The following RHOBTB2 variants were observed in gnomAD, a reference collection of about 807,000 sequenced individuals.
RHOBTB2 encodes Rho related BTB domain containing 2.
In RHOBTB2, 39 loss-of-function variants were observed where a neutral mutation model predicts 66.5. That is an observed-to-expected ratio of 0.59 (90% CI 0.45 to 0.77). The LOEUF (loss-of-function observed/expected upper bound fraction) is 0.77. Ranked by LOEUF, RHOBTB2 falls within the 30% of genes least tolerant of loss-of-function variation. RHOBTB2 has a pLI of 0.00. For synonymous variants in RHOBTB2, 390 were observed against 395.0 expected (o/e 0.99, Z 0.15); for missense variants, 755 against 999.1 (o/e 0.76, Z 3.29).
At chr8:23,012,671 T>C (rs1811181605) in intron 7 of RHOBTB2, among the ~76,000 whole-genome samples, 1 of 152,174 alleles carries the variant, frequency 6.6e-6, no homozygotes, top group South Asian at 2.1e-4. Context: ...CAGACTGGAG[T>C]GCAATGGCCT....
At chr8:22,970,968 A>G in the RHOBTB2 span, among the ~76,000 whole-genome samples, 3 of 152,110 alleles carry the variant, frequency 2.0e-5, no homozygotes, top group Admixed American at 1.3e-4. Context: ...CTGCACCCTC[A>G]ATAAACCTCT....
chr8:23,014,691 G>A lies in RHOBTB2; in HGVS notation c.1773G>A (p.Glu591=), dbSNP rs1293603131. Residue 591 remains glutamate, a splice_region_variant and synonymous_variant, in exon 8 of 10, where the codon GAG becomes GAA. Coordinates refer to ENST00000251822, the MANE Select transcript of RHOBTB2 (RefSeq NM_015178.3). ...LCLPHLVALT[E]QYTVTGLMEA... ...GATTGGTGGCCGTGTGTGTTACAGA[G>A]CAGTACACAGTGACCGGGCTGATGG... The A allele has an allele frequency of 1.9e-6, 3 of 1,613,842 alleles. No homozygotes were observed. Among genetic ancestry groups the A allele is most frequent in the Admixed American group, 3.3e-5 (2 of 60,018 alleles).
At chr8:23,013,133 C>T (rs1811194390) in intron 7 of RHOBTB2, among the ~76,000 whole-genome samples, 2 of 152,138 alleles carry the variant, frequency 1.3e-5, no homozygotes, top group South Asian at 2.1e-4. Context: ...TGAGGTCTCA[C>T]TGTGTTGCCT....
chr8:23,006,725 C>A lies in RHOBTB2; in HGVS notation c.483-3C>A, dbSNP rs746394585. Reference sequence around the variant, plus strand: ...AGCTTGGTTTCCTTCTTGAACCTACCAGGCCCATCAAACCTAATGAAATCC... The same window carrying A: ...AGCTTGGTTTCCTTCTTGAACCTACAAGGCCCATCAAACCTAATGAAATCC... On this transcript the variant is annotated splice_polypyrimidine_tract_variant and splice_region_variant and intron_variant, in intron 4 of 9. Transcript: ENST00000251822. The surrounding 1 kb of genome is among the most constrained non-coding windows in gnomAD (Gnocchi z 6.1). The A allele has an allele frequency of 1.2e-6, 2 of 1,606,868 alleles. No homozygotes were observed. Among genetic ancestry groups the A allele is most frequent in the East Asian group, 2.2e-5 (1 of 44,770 alleles).
intron 9 of RHOBTB2, among the ~76,000 whole-genome samples, chr8:23,016,161 C>T (rs553378261): frequency 9.2e-5 from 14 of 152,286 alleles, no homozygotes; most frequent in Non-Finnish European, 1.6e-4. Context: ...CAGGTCTGGG[C>T]ATCCTCTGAG....
chr8:23,008,325 G>A (rs1023340766), intron 6 of RHOBTB2, among the ~76,000 whole-genome samples: 1 of 152,152 alleles, frequency 6.6e-6, no homozygotes, highest in South Asian at 2.1e-4. Context: ...TGAGAGTTTA[G>A]AAAGCACTTT....
chr8:22,985,798 G>A (rs944768649), upstream of RHOBTB2, among the ~76,000 whole-genome samples: 3 of 152,166 alleles, frequency 2.0e-5, no homozygotes, highest in Admixed American at 6.5e-5. Context: ...CTGGCCAGCC[G>A]TTCCTCTGCC....
At chr8:22,976,945 A>G in the RHOBTB2 span, among the ~76,000 whole-genome samples, 1 of 152,010 alleles carries the variant, frequency 6.6e-6, no homozygotes, top group Non-Finnish European at 1.5e-5. Flanking sequence ...TTTTTAATGA[A>G]AATATACATA....
upstream of RHOBTB2, among the ~76,000 whole-genome samples, chr8:22,983,480 C>T (rs922941874): frequency 6.7e-6 from 1 of 149,494 alleles, no homozygotes; most frequent in Non-Finnish European, 1.5e-5. Flanking sequence ...GTGAGACCCA[C>T]CTCTCAAGAA....
the RHOBTB2 span, among the ~76,000 whole-genome samples, chr8:22,972,659 C>A: frequency 0.028 from 4,309 of 152,278 alleles, 194 homozygotes; most frequent in African/African-American, 0.098. Context: ...CAGAGGCGCT[C>A]GGAGCAGGCT....
At chr8:23,014,574 C>T (rs955393019) in intron 7 of RHOBTB2, 116 bp from the exon 8 acceptor site, 20 of 912,860 alleles carry the variant, frequency 2.2e-5, no homozygotes, top group African/African-American at 4.9e-5. Flanking sequence ...CTGGCCTGTC[C>T]GGACCTGCCC....
the RHOBTB2 span, among the ~76,000 whole-genome samples, chr8:22,965,186 G>A: frequency 6.6e-6 from 1 of 152,034 alleles, no homozygotes; most frequent in Non-Finnish European, 1.5e-5. Context: ...TTGTATCTTG[G>A]AAATTAGAGA....
chr8:22,986,438 T>C (rs896362316), upstream of RHOBTB2, among the ~76,000 whole-genome samples: 2 of 151,826 alleles, frequency 1.3e-5, no homozygotes, highest in African/African-American at 4.8e-5. Flanking sequence ...GGCTAATTTT[T>C]TGTAGAGACG....
At chr8:22,959,630 G>A in the RHOBTB2 span, among the ~76,000 whole-genome samples, 3 of 152,146 alleles carry the variant, frequency 2.0e-5, no homozygotes, top group South Asian at 4.1e-4. Flanking sequence ...GTTCAGTCTG[G>A]TATCTGCTTC....
In RHOBTB2 at chr8:23,017,339, G is replaced by A. The variant is rs200645057; in HGVS notation, c.2054G>A (p.Arg685His). Residue 685 changes from arginine (R) to histidine (H), a missense_variant, in exon 10 of 10, where the codon CGT becomes CAT. This residue lies in a region of RHOBTB2 where 353 missense variants were observed against 458.2 expected (regional missense o/e 0.77). Coordinates refer to ENST00000251822, the MANE Select transcript of RHOBTB2 (RefSeq NM_015178.3). The surrounding 1 kb of genome is among the most constrained non-coding windows in gnomAD (Gnocchi z 5.3). ...EDHYQRARKE[R>H]EKEDYLHLKR... The stretch of plus-strand genomic sequence containing the variant: ...CATTACCAGCGGGCACGGAAGGAGC[G>A]TGAGAAGGAGGACTACCTCCACCTC... 3.1e-5 allele frequency: 50 copies of A among 1,614,210 alleles called. No individual in the cohort carries two copies. Among genetic ancestry groups the A allele is most frequent in the Middle Eastern group, 1.6e-4 (1 of 6,062 alleles).
intron 2 of RHOBTB2, among the ~76,000 whole-genome samples, chr8:23,005,052 G>A (rs1006846006): frequency 6.6e-6 from 1 of 152,064 alleles, no homozygotes; most frequent in Non-Finnish European, 1.5e-5. Flanking sequence ...CTCCCAAAGA[G>A]GCCCCTTCCA....
Position 23,004,120 on chromosome 8 carries a change from G to A in RHOBTB2, c.-10-305G>A, listed in dbSNP as rs891513285. On this transcript the variant is annotated intron_variant, in intron 1 of 9. Coordinates refer to ENST00000251822, the MANE Select transcript of RHOBTB2 (RefSeq NM_015178.3). This position sits in a 1 kb window ranked among gnomAD's most constrained non-coding sequence, Gnocchi z 6.4. ...TGGAGAGGGGACAGGGCAGGGCCTC[G>A]GCAAGCTCCACTGGTGATCTCGCGT... 10 of 413,074 alleles carry A rather than the reference G, an allele frequency of 2.4e-5. No individual in the cohort carries two copies. The Admixed American group carries it at 2.5e-4, about 10-fold the overall frequency. The allele number at this position is 413,074 out of a possible 1,614,324, so 25.6% of individuals were successfully genotyped here.
chr8:22,976,285 C>T, the RHOBTB2 span, among the ~76,000 whole-genome samples: 2 of 152,202 alleles, frequency 1.3e-5, no homozygotes, highest in African/African-American at 2.4e-5. Flanking sequence ...AGAGAGCTGA[C>T]GACAGCCAGT....
chr8:22,965,809 A>G, the RHOBTB2 span, among the ~76,000 whole-genome samples: 1,129 of 152,344 alleles, frequency 7.4e-3, 14 homozygotes, highest in African/African-American at 0.026. Flanking sequence ...AAGAGCTAGA[A>G]CTATAAAGCT....
Sources: gnomAD v4.1 joint callset for allele counts (sites outside exome capture counted in the v4.1 genomes callset) on GRCh38, gnomAD v4.1.1 for gene constraint, gnomAD v4.1.1 regional missense constraint, Gnocchi (gnomAD v3.1) non-coding constraint, MANE v1.5 for transcripts, NCBI Gene and HGNC (gene_info 2026-07-23, HGNC 2026-07-21) for gene names.